The following GRB10 variants were observed in gnomAD, a reference collection of about 807,000 sequenced individuals.
The protein encoded by GRB10 is growth factor receptor-bound protein 10.
GRB10 carries 20 observed loss-of-function variants against 80.9 expected under a neutral mutation model. That is an observed-to-expected ratio of 0.25 (90% CI 0.17 to 0.36). The LOEUF (loss-of-function observed/expected upper bound fraction) is 0.36, where lower values mean the gene tolerates loss of function less well. GRB10 is among the 10% of genes least tolerant of loss of function. GRB10 has a pLI of 1.00. For synonymous variants in GRB10, 291 were observed against 291.5 expected, an observed-to-expected ratio of 1.00 and a Z score of 0.02; for missense variants, 548 against 747.7, an observed-to-expected ratio of 0.73 and a Z score of 3.12.
At chr7:50,654,101 C>A (rs2153621256) in intron 7 of GRB10, among the ~76,000 whole-genome samples, 1 of 152,334 alleles carries the variant, frequency 6.6e-6, no homozygotes, top group East Asian at 1.9e-4. Context: ...ATGGAAGAGA[C>A]AACCCCCTTT....
At chr7:50,754,544 A>G (rs1245485485) in intron 3 of GRB10, among the ~76,000 whole-genome samples, 4 of 152,192 alleles carry the variant, frequency 2.6e-5, no homozygotes, top group Admixed American at 6.5e-5. Flanking sequence ...CTCTCAGAAA[A>G]AAAGCAACGG....
chr7:50,599,465 T>C (rs1462750920), intron 17 of GRB10, among the ~76,000 whole-genome samples: 1 of 152,208 alleles, frequency 6.6e-6, no homozygotes, highest in East Asian at 1.9e-4. Context: ...ACCTCCTCCC[T>C]ACACCCAAGA....
intron 2 of GRB10, among the ~76,000 whole-genome samples, chr7:50,774,366 A>G (rs1236201301): frequency 1.3e-5 from 2 of 152,254 alleles, no homozygotes; most frequent in African/African-American, 4.8e-5. Flanking sequence ...AGTTATAACA[A>G]AATACTTGAG....
chr7:50,632,527 G>A (rs1476556175), intron 7 of GRB10, among the ~76,000 whole-genome samples: 1 of 152,152 alleles, frequency 6.6e-6, no homozygotes, highest in Non-Finnish European at 1.5e-5. Flanking sequence ...TTCAAGGGGT[G>A]GCATGGGAGC....
intron 2 of GRB10, among the ~76,000 whole-genome samples, chr7:50,778,305 T>C (rs534937984): frequency 6.6e-6 from 1 of 152,324 alleles, no homozygotes; most frequent in South Asian, 2.1e-4. Context: ...TCCTGTAGTA[T>C]CTAAAACCTT....
At chr7:50,602,618 T>C (rs536217362) in intron 17 of GRB10, among the ~76,000 whole-genome samples, 1 of 152,348 alleles carries the variant, frequency 6.6e-6, no homozygotes, top group Non-Finnish European at 1.5e-5. Flanking sequence ...AAGACTATTT[T>C]ATATCCAAGG....
intron 10 of GRB10, among the ~76,000 whole-genome samples, chr7:50,616,774 CACCCAGGTGCAGGACATCCTG>C (rs1328816806): frequency 6.6e-6 from 1 of 152,266 alleles, no homozygotes; most frequent in Non-Finnish European, 1.5e-5. Context: ...GCAAGTGATG[CACCCAGGTGCAGGACATCCTG>C]GTGATGTCCC....
rs2052049883 is a variant in GRB10 at position 50,622,780 on chromosome 7, C to T, written c.662-3495G>A. On this transcript the variant is annotated intron_variant, in intron 8 of 18. Transcript: ENST00000401949. ...GTTTAAATTTGTATTTTTCAAAATTCCTTTTATCTTTTTTTTTTTTTTAAT... is the reference window on the plus strand; with the variant it reads ...GTTTAAATTTGTATTTTTCAAAATTTCTTTTATCTTTTTTTTTTTTTTAAT... Among the ~76,000 whole-genome samples the T allele has an allele frequency of 2.0e-5, 3 of 151,212 alleles. No homozygotes were observed. In the South Asian group the frequency reaches 6.3e-4, roughly 32 times the overall value.
intron 5 of GRB10, among the ~76,000 whole-genome samples, chr7:50,679,219 T>C (rs1321960584): frequency 2.0e-5 from 3 of 152,236 alleles, no homozygotes; most frequent in Admixed American, 2.0e-4. Context: ...TCATCTAGTT[T>C]CACTGTCATT....
At chr7:50,706,346 G>A (rs971943501) in intron 4 of GRB10, among the ~76,000 whole-genome samples, 14 of 152,156 alleles carry the variant, frequency 9.2e-5, no homozygotes, top group African/African-American at 3.4e-4. Flanking sequence ...CATAAATAAT[G>A]ATCAAATAAA....
At chr7:50,657,432 G>A (rs1284691415) in intron 7 of GRB10, among the ~76,000 whole-genome samples, 1 of 152,134 alleles carries the variant, frequency 6.6e-6, no homozygotes, top group Non-Finnish European at 1.5e-5. Flanking sequence ...CCAGGATTCT[G>A]CAGAGAGACC....
At chr7:50,645,192 T>C (rs549912195) in intron 7 of GRB10, among the ~76,000 whole-genome samples, 1 of 152,368 alleles carries the variant, frequency 6.6e-6, no homozygotes, top group African/African-American at 2.4e-5. Context: ...TAATAATCTT[T>C]ATACTGCCCA....
intron 3 of GRB10, among the ~76,000 whole-genome samples, chr7:50,755,652 G>A (rs142507395): frequency 0.025 from 3,820 of 152,140 alleles, 92 homozygotes; most frequent in Non-Finnish European, 0.034. Context: ...TGCAGCCCAG[G>A]TCCTCCCATC....
intron 7 of GRB10, among the ~76,000 whole-genome samples, chr7:50,658,494 A>T (rs1421636199): frequency 6.6e-6 from 1 of 152,164 alleles, no homozygotes; most frequent in East Asian, 1.9e-4. Context: ...ATGACTGCAC[A>T]CTGCCCTTGC....
At chr7:50,670,635 C>G (rs1030196212) in intron 6 of GRB10, among the ~76,000 whole-genome samples, 2 of 152,034 alleles carry the variant, frequency 1.3e-5, no homozygotes, top group African/African-American at 4.8e-5. Context: ...TCCGTTTGAT[C>G]AGTGAATACC....
intron 10 of GRB10, among the ~76,000 whole-genome samples, chr7:50,617,159 T>C (rs535266477): frequency 6.6e-6 from 1 of 152,304 alleles, no homozygotes; most frequent in African/African-American, 2.4e-5. Flanking sequence ...AGGTGGTAAC[T>C]TAGTGCTGAC....
intron 2 of GRB10, among the ~76,000 whole-genome samples, chr7:50,780,237 A>G (rs894736915): frequency 2.0e-5 from 3 of 152,216 alleles, no homozygotes; most frequent in Non-Finnish European, 4.4e-5. Context: ...TCTGTGAAAT[A>G]TGAGAAAATA....
At chr7:50,600,061 C>G (rs569491808) in intron 17 of GRB10, among the ~76,000 whole-genome samples, 2 of 152,300 alleles carry the variant, frequency 1.3e-5, no homozygotes. Context: ...AGTGCCAATT[C>G]TCCAGCAGAG....
chr7:50,753,897 C>T (rs1284127092), intron 3 of GRB10, among the ~76,000 whole-genome samples: 10 of 152,144 alleles, frequency 6.6e-5, no homozygotes, highest in Admixed American at 4.6e-4. Context: ...AGGAAGTGGG[C>T]GCTGGGGCTG....
Sources: gnomAD v4.1 joint callset for allele counts (sites outside exome capture counted in the v4.1 genomes callset) on GRCh38, gnomAD v4.1.1 for gene constraint, MANE v1.5 for transcripts, NCBI Gene and HGNC (gene_info 2026-07-23, HGNC 2026-07-21) for gene names.